The following PHGR1 variants were observed in gnomAD, a reference collection of about 807,000 sequenced individuals.
PHGR1 encodes the protein proline, histidine and glycine-rich protein 1.
A neutral mutation model predicts 4.9 loss-of-function variants in PHGR1; 3 were observed. The ratio of observed to expected loss-of-function variants is 0.61; its 90% CI spans 0.28 to 1.58. The LOEUF (loss-of-function observed/expected upper bound fraction) is 1.58. Ranked by LOEUF, PHGR1 falls within the 40% of genes most tolerant of loss-of-function variation. PHGR1 has a pLI of 0.11. For missense variants in PHGR1, 81 were observed against 118.7 expected, an observed-to-expected ratio of 0.68 and a Z score of 1.48; for synonymous variants, 32 against 46.1, an observed-to-expected ratio of 0.69 and a Z score of 1.24.
intron 1 of PHGR1, 61 bp from the exon 2 acceptor site, chr15:40,353,171 G>A (rs1302987515): frequency 6.0e-6 from 9 of 1,491,068 alleles, no homozygotes; most frequent in African/African-American, 1.4e-5. Context: ...ATCCGTGGGA[G>A]GGAGAAAGGA....
At chr15:40,351,389 C>T (rs1447636615) in intron 1 of PHGR1, among the ~76,000 whole-genome samples, 1 of 152,186 alleles carries the variant, frequency 6.6e-6, no homozygotes, top group Non-Finnish European at 1.5e-5. Context: ...TGGGCCTGAA[C>T]TGGGGAGATA....
In PHGR1 at chr15:40,354,369, A is replaced by C; in HGVS notation, c.18+17A>C. The C allele has an allele frequency of 1.3e-6, 2 of 1,534,368 alleles. No homozygotes were observed. Among genetic ancestry groups the C allele is most frequent in the Non-Finnish European group, 1.7e-6 (2 of 1,144,620 alleles). ...GGTCCGAAGGTAGGAAAGTTCCCCC[A>C]ATGGTCTCCCCTTTTTCCTCCCACT... On this transcript the variant is annotated intron_variant, in intron 3 of 3. Transcript: ENST00000448599.
chr15:40,353,056 A>G (rs1471464479), intron 1 of PHGR1, among the ~76,000 whole-genome samples, 176 bp from the exon 2 acceptor site: 1 of 151,384 alleles, frequency 6.6e-6, no homozygotes, highest in South Asian at 2.1e-4. Flanking sequence ...CCAGCTCTAT[A>G]TTGGGGCCAA....
chr15:40,352,352 A>C (rs1889216913), intron 1 of PHGR1, among the ~76,000 whole-genome samples: 1 of 152,172 alleles, frequency 6.6e-6, no homozygotes, highest in Admixed American at 6.5e-5. Flanking sequence ...CCTGATGTCA[A>C]GTATTTGCTC....
chr15:40,353,127 GT>G, intron 1 of PHGR1, 104 bp from the exon 2 acceptor site: 2 of 847,350 alleles, frequency 2.4e-6, no homozygotes, highest in Non-Finnish European at 3.7e-6. Flanking sequence ...GTGTGTGTGT[GT>G]GTGTGTGTGT....
chr15:40,354,565 TCTC>T (rs1266042913), intron 3 of PHGR1, among the ~76,000 whole-genome samples: 3 of 151,964 alleles, frequency 2.0e-5, no homozygotes, highest in Non-Finnish European at 4.4e-5. Flanking sequence ...CTTGGCGTTC[TCTC>T]CTCTGTTTTC....
chr15:40,352,890 A>C (rs2141254405), intron 1 of PHGR1, among the ~76,000 whole-genome samples: 1 of 152,330 alleles, frequency 6.6e-6, no homozygotes, highest in East Asian at 1.9e-4. Flanking sequence ...TCTTCCCAAG[A>C]GGAATCGGAT....
intron 3 of PHGR1, among the ~76,000 whole-genome samples, chr15:40,354,824 T>C (rs1889264708): frequency 6.6e-6 from 1 of 152,060 alleles, no homozygotes; most frequent in Non-Finnish European, 1.5e-5. Flanking sequence ...GCAGACTCAG[T>C]TCCTAGGCCT....
Position 40,351,055 on chromosome 15 carries a change from ACT to A in PHGR1, c.-30_-29del, listed in dbSNP as rs1889200863. On this transcript the variant is annotated 5_prime_UTR_variant, in exon 1 of 4. Transcript: ENST00000448599. ...CCCAGACTTCCTGCCCCTGCTCTGC[ACT>A]CTCAGGTAGGGACCTGGCTCTACTT... The A allele has an allele frequency of 6.6e-6, 1 of 151,906 alleles. No homozygotes were observed. Among genetic ancestry groups the A allele is most frequent in the Non-Finnish European group, 1.5e-5 (1 of 68,152 alleles). 9.4% of individuals were successfully genotyped at this position (151,906 alleles called of 1,614,324 possible).
chr15:40,352,161 C>G (rs138804121), intron 1 of PHGR1, among the ~76,000 whole-genome samples: 40 of 152,210 alleles, frequency 2.6e-4, no homozygotes, highest in Non-Finnish European at 5.0e-4. Flanking sequence ...TGTGATCACG[C>G]CACTGCACTC....
chr15:40,355,927 C>G (rs1889286862), intron 3 of PHGR1, 146 bp from the exon 4 acceptor site: 3 of 826,214 alleles, frequency 3.6e-6, no homozygotes, highest in African/African-American at 3.4e-5. Flanking sequence ...ACGGGACATG[C>G]TACCCATGCC....
intron 3 of PHGR1, 150 bp downstream of exon 3, chr15:40,354,502 G>T (rs950336219): frequency 5.0e-6 from 5 of 1,004,492 alleles, no homozygotes; most frequent in African/African-American, 4.9e-5. Flanking sequence ...CCCGTGGAGT[G>T]GGGGTGGGGT....
chr15:40,355,165 TAAA>T (rs1348065514), intron 3 of PHGR1, among the ~76,000 whole-genome samples: 5 of 137,806 alleles, frequency 3.6e-5, no homozygotes, highest in South Asian at 2.3e-4. Flanking sequence ...GGCAAAAAGT[TAAA>T]AAAACAAAAA....
At chr15:40,354,176 A>C (rs1037036975) in intron 2 of PHGR1, among the ~76,000 whole-genome samples, 169 bp from the exon 3 acceptor site, 4 of 152,216 alleles carry the variant, frequency 2.6e-5, no homozygotes, top group Non-Finnish European at 5.9e-5. Context: ...ATCTTTGCTG[A>C]GAGAATGAAT....
At position 40,356,400 on chromosome 15, in the gene PHGR1, A is replaced by T; in HGVS notation, c.*97A>T. ...AAACCACAATCTTCTCTTCCTAATA[A>T]ACAGCCTCCTAGAGGCCACATTCTA... On this transcript the variant is annotated 3_prime_UTR_variant, in exon 4 of 4. Transcript: ENST00000448599. 3 of 1,530,064 alleles carry T rather than the reference A, an allele frequency of 2.0e-6. No individual in the cohort carries two copies. Among genetic ancestry groups the T allele is most frequent in the Non-Finnish European group, 2.7e-6 (3 of 1,129,916 alleles). 94.8% of individuals were successfully genotyped at this position (1,530,064 alleles called of 1,614,324 possible).
rs1329360878 is a variant in PHGR1, at chr15:40,351,077, C to T, written c.-27+15C>T. ...TGCACTCTCAGGTAGGGACCTGGCT[C>T]TACTTGCTGTTGGCTGGGGACAGTA... On this transcript the variant is annotated intron_variant, in intron 1 of 3. Coordinates refer to ENST00000448599, the MANE Select transcript of PHGR1 (RefSeq NM_001145643.2). The T allele has an allele frequency of 6.6e-6, 1 of 152,550 alleles. No individual in the cohort carries two copies. 9.4% of individuals were successfully genotyped at this position (152,550 alleles called of 1,614,324 possible).
At chr15:40,353,162 T>G in intron 1 of PHGR1, 70 bp from the exon 2 acceptor site, 1 of 1,219,620 alleles carries the variant, frequency 8.2e-7, no homozygotes, top group Non-Finnish European at 1.2e-6. Flanking sequence ...CGCGCGCGCA[T>G]CCGTGGGAGG....
Position 40,352,238 on chromosome 15 carries a change from A to G in PHGR1, c.-26-994A>G, listed in dbSNP as rs532277059. On this transcript the variant is annotated intron_variant, in intron 1 of 3. Transcript: ENST00000448599. ...AAAGAGGCACTAAGGCTCCCTAGAAAAAAAAGAGGTTCAGGGGGCTGTGTC... is the reference window on the plus strand; with the variant it reads ...AAAGAGGCACTAAGGCTCCCTAGAAGAAAAAGAGGTTCAGGGGGCTGTGTC... Among the ~76,000 whole-genome samples, 18 of 152,196 alleles carry G rather than the reference A, an allele frequency of 1.2e-4. No individual in the cohort carries two copies. In the South Asian group the frequency reaches 3.7e-3, roughly 32 times the overall value.
intron 1 of PHGR1, 82 bp from the exon 2 acceptor site, chr15:40,353,142 TGTGTGCGC>T (rs1407913308): frequency 4.2e-6 from 4 of 941,834 alleles, no homozygotes; most frequent in Non-Finnish European, 4.8e-6. Flanking sequence ...TGTGTGTGTG[TGTGTGCGC>T]GCGCGCGCGC....
Sources: allele counts gnomAD v4.1 joint callset (sites outside exome capture counted in the v4.1 genomes callset), GRCh38; gene constraint gnomAD v4.1.1; transcripts MANE v1.5; gene names NCBI Gene and HGNC (gene_info 2026-07-23, HGNC 2026-07-21).